The following FAM107B variants were observed in gnomAD, a reference collection of about 807,000 sequenced individuals.
FAM107B encodes the protein family with sequence similarity 107 member B.
A neutral mutation model predicts 31.5 loss-of-function variants in FAM107B; 21 were observed. The observed-to-expected ratio is 0.67, with a 90% confidence interval of 0.47 to 0.96. The LOEUF is 0.96. Ranked by LOEUF, FAM107B falls within the 40% of genes least tolerant of loss-of-function variation. The pLI is 0.00. For missense variants in FAM107B, 452 were observed against 377.1 expected (o/e 1.20, Z -1.64); for synonymous variants, 157 against 141.5 (o/e 1.11, Z -0.78).
At chr10:14,562,074 C>T (rs1395201601) in intron 2 of FAM107B, among the ~76,000 whole-genome samples, 1 of 152,220 alleles carries the variant, frequency 6.6e-6, no homozygotes, top group East Asian at 1.9e-4. Context: ...GTGTGAGCCA[C>T]TACGCCCGGC....
At chr10:14,539,936 G>C (rs1848010306) in intron 2 of FAM107B, among the ~76,000 whole-genome samples, 1 of 152,310 alleles carries the variant, frequency 6.6e-6, no homozygotes, top group South Asian at 2.1e-4. Flanking sequence ...TGGTGGGAGA[G>C]AGGAATGTCC....
chr10:14,584,436 T>C (rs1044746527), intron 2 of FAM107B, among the ~76,000 whole-genome samples: 1 of 152,108 alleles, frequency 6.6e-6, no homozygotes, highest in Non-Finnish European at 1.5e-5. Flanking sequence ...GCACTCAGAG[T>C]CTTTCGCTCC....
intron 2 of FAM107B, among the ~76,000 whole-genome samples, chr10:14,538,671 T>G (rs1051763481): frequency 6.6e-6 from 1 of 152,178 alleles, no homozygotes; most frequent in African/African-American, 2.4e-5. Context: ...CCTCAATCAG[T>G]ACACTTTTTT....
At position 14,774,708 on chromosome 10, in the gene FAM107B, T is replaced by A; in HGVS notation, c.-45A>T. The A allele has an allele frequency of 6.4e-7, 1 of 1,572,912 alleles. No individual in the cohort carries two copies. Among genetic ancestry groups the A allele is most frequent in the Non-Finnish European group, 8.6e-7 (1 of 1,156,968 alleles). The stretch of plus-strand genomic sequence containing the variant: ...CAAAGTTCAAACGGGGCAAGGAAAT[T>A]TTCCAGGGGTCCACATCACCTCCAC... On this transcript the variant is annotated 5_prime_UTR_variant, in exon 1 of 5. Transcript: ENST00000181796.
Position 14,708,519 on chromosome 10 carries a change from G to A in FAM107B, c.412-40828C>T, listed in dbSNP as rs12257767. ...GATCCAGGGAAATGAATTTCCCAGG[G>A]AAACGCCTTGAGACCAGTGGTAAAG... On this transcript the variant is annotated intron_variant, in intron 1 of 4. Coordinates refer to ENST00000181796, the MANE Select transcript of FAM107B (RefSeq NM_031453.4). Among the ~76,000 whole-genome samples the A allele has an allele frequency of 7.8e-3, 1,180 of 152,218 alleles. 23 individuals carry two copies. Among genetic ancestry groups the A allele is most frequent in the African/African-American group, 0.027 (1,139 of 41,520 alleles).
intron 2 of FAM107B, among the ~76,000 whole-genome samples, chr10:14,590,871 C>T (rs1851993569): frequency 6.6e-6 from 1 of 151,084 alleles, no homozygotes; most frequent in African/African-American, 2.4e-5. Context: ...TGCCTGTAAT[C>T]CCAGCTACTT....
In FAM107B at chr10:14,519,173, GTGAAGAA is replaced by G. The variant is rs1463228830; in HGVS notation, c.*2010_*2016del. ...TCTTAAGTAACTTTTTTTTTTTTCA[GTGAAGAA>G]TGAATTCTAGTTAAGCTCTAGGAAC... is the stretch of plus-strand genomic sequence containing the variant. On this transcript the variant is annotated 3_prime_UTR_variant, in exon 5 of 5. Coordinates refer to ENST00000181796, the MANE Select transcript of FAM107B (RefSeq NM_031453.4). 11 of 150,424 alleles carry G rather than the reference GTGAAGAA, an allele frequency of 7.3e-5. No homozygotes were observed. The highest frequency in any genetic ancestry group is 6.6e-4 in the Admixed American group (10 of 15,164). The allele number at this position is 150,424 out of a possible 1,614,324, so 9.3% of individuals were successfully genotyped here.
intron 2 of FAM107B, among the ~76,000 whole-genome samples, chr10:14,614,689 A>G (rs1465957673): frequency 6.6e-6 from 1 of 151,524 alleles, no homozygotes; most frequent in Non-Finnish European, 1.5e-5. Flanking sequence ...AAAAAAAAAA[A>G]AAAAAAGAGA....
chr10:14,654,159 T>C (rs1264294584), intron 2 of FAM107B, among the ~76,000 whole-genome samples: 1 of 152,028 alleles, frequency 6.6e-6, no homozygotes, highest in Non-Finnish European at 1.5e-5. Flanking sequence ...GGCTAGTTCT[T>C]ACAATTTCTC....
At chr10:14,734,422 C>A (rs374515276) in intron 1 of FAM107B, among the ~76,000 whole-genome samples, 1 of 151,658 alleles carries the variant, frequency 6.6e-6, no homozygotes, top group East Asian at 1.9e-4. Context: ...TGGTCCAGGG[C>A]GGCTTTGAAG....
intron 2 of FAM107B, among the ~76,000 whole-genome samples, chr10:14,548,834 A>ACG (rs1402536680): frequency 3.0e-4 from 19 of 62,970 alleles, no homozygotes; most frequent in South Asian, 1.7e-3. Flanking sequence ...ACGCACACAC[A>ACG]CGCACACACA....
At chr10:14,763,711 G>A (rs1833104706) in intron 1 of FAM107B, among the ~76,000 whole-genome samples, 1 of 152,172 alleles carries the variant, frequency 6.6e-6, no homozygotes, top group Non-Finnish European at 1.5e-5. Flanking sequence ...CCAAGTACCA[G>A]GATCTAAGCC....
At chr10:14,604,307 C>T (rs948426440) in intron 2 of FAM107B, 12 of 972,562 alleles carry the variant, frequency 1.2e-5, no homozygotes, top group Non-Finnish European at 1.5e-5. Context: ...CGGCGCCCAG[C>T]GGCCCGACTG....
intron 2 of FAM107B, chr10:14,571,992 T>A (rs1851266052): frequency 1.0e-6 from 1 of 985,298 alleles, no homozygotes; most frequent in Non-Finnish European, 1.2e-6. Context: ...AGAATGCACC[T>A]TCTGACTGTG....
intron 2 of FAM107B, among the ~76,000 whole-genome samples, chr10:14,626,318 G>A (rs951852327): frequency 3.9e-5 from 6 of 152,014 alleles, no homozygotes; most frequent in Admixed American, 2.6e-4. Context: ...GTCTATATTT[G>A]AAGGAAATTT....
chr10:14,539,549 A>T (rs1459015136), intron 2 of FAM107B, among the ~76,000 whole-genome samples: 2 of 152,244 alleles, frequency 1.3e-5, no homozygotes, highest in Non-Finnish European at 2.9e-5. Flanking sequence ...ATATTCAAAC[A>T]AACTTAGAAA....
chr10:14,582,489 G>T (rs1173670936), intron 2 of FAM107B, among the ~76,000 whole-genome samples: 1 of 144,460 alleles, frequency 6.9e-6, no homozygotes, highest in Non-Finnish European at 1.5e-5. Context: ...CAATTCTCCT[G>T]CCTCAGCCTC....
intron 2 of FAM107B, among the ~76,000 whole-genome samples, chr10:14,595,542 C>T (rs1852161934): frequency 1.3e-5 from 2 of 151,104 alleles, no homozygotes; most frequent in Non-Finnish European, 2.9e-5. Flanking sequence ...TCTCCTGCAT[C>T]AGCCTCCCAA....
intron 2 of FAM107B, among the ~76,000 whole-genome samples, chr10:14,643,460 A>T (rs1460074327): frequency 2.0e-5 from 3 of 147,666 alleles, no homozygotes; most frequent in Non-Finnish European, 4.4e-5. Flanking sequence ...CCCAGGCTGG[A>T]GTGCAGTAAT....
Sources: allele counts gnomAD v4.1 joint callset (sites outside exome capture counted in the v4.1 genomes callset), GRCh38; gene constraint gnomAD v4.1.1; transcripts MANE v1.5; gene names NCBI Gene and HGNC (gene_info 2026-07-23, HGNC 2026-07-21).